SUCLG2: variants seen among roughly 807,000 people sequenced by gnomAD.
SUCLG2 encodes succinate-CoA ligase GDP-forming subunit beta, also known as succinate--CoA ligase [GDP-forming] subunit beta, mitochondrial.
A neutral mutation model predicts 47.9 loss-of-function variants in SUCLG2; 42 were observed. The observed-to-expected ratio is 0.88, with a 90% CI of 0.69 to 1.14. The LOEUF (loss-of-function observed/expected upper bound fraction) is 1.14. Among genes scored for constraint, SUCLG2 ranks in the 50% most tolerant of loss-of-function variants. The pLI is 0.00. For missense variants in SUCLG2, 571 were observed against 525.9 expected (o/e 1.09, Z -0.84); for synonymous variants, 195 against 197.3 (o/e 0.99, Z 0.10).
At chr3:67,450,030 TA>T (rs1374809832) in intron 9 of SUCLG2, among the ~76,000 whole-genome samples, 1 of 64,060 alleles carries the variant, frequency 1.6e-5, no homozygotes. Flanking sequence ...AAAAAAACAG[TA>T]TTTTTTTTAA....
At chr3:67,395,268 C>T (rs1043892469) in intron 10 of SUCLG2, among the ~76,000 whole-genome samples, 6 of 152,060 alleles carry the variant, frequency 3.9e-5, no homozygotes, top group African/African-American at 1.5e-4. Flanking sequence ...GTGCTGTATT[C>T]AGGAAACCCA....
chr3:67,414,890 C>T (rs755338390), intron 9 of SUCLG2, among the ~76,000 whole-genome samples: 9 of 152,174 alleles, frequency 5.9e-5, no homozygotes, highest in Non-Finnish European at 1.2e-4. Flanking sequence ...AATCTTGGCT[C>T]TGTTGCCCAG....
intron 10 of SUCLG2, among the ~76,000 whole-genome samples, chr3:67,377,127 T>C (rs888762573): frequency 6.6e-6 from 1 of 152,214 alleles, no homozygotes; most frequent in African/African-American, 2.4e-5. Context: ...TGAGTAGTCC[T>C]ATTGTTCCTA....
intron 1 of SUCLG2, among the ~76,000 whole-genome samples, chr3:67,626,728 C>G (rs935979598): frequency 6.6e-6 from 1 of 151,964 alleles, no homozygotes; most frequent in Admixed American, 6.6e-5. Flanking sequence ...TCCTGGCTAA[C>G]ACGGTGAAAC....
intron 9 of SUCLG2, among the ~76,000 whole-genome samples, chr3:67,492,574 C>G (rs1317351443): frequency 1.3e-5 from 2 of 152,040 alleles, no homozygotes; most frequent in African/African-American, 2.4e-5. Flanking sequence ...TTCTTTAAAT[C>G]AAAATGATGA....
intron 2 of SUCLG2, among the ~76,000 whole-genome samples, chr3:67,531,867 C>T (rs1706414152): frequency 6.6e-6 from 1 of 152,160 alleles, no homozygotes; most frequent in Non-Finnish European, 1.5e-5. Flanking sequence ...AACAGTAACT[C>T]GTCTCTTCAT....
chr3:67,400,793 T>C lies in SUCLG2; in HGVS notation c.1121A>G (p.Asn374Ser), dbSNP rs201519398. 475 of 1,612,422 alleles carry C rather than the reference T, an allele frequency of 2.9e-4. No homozygotes were observed. Among genetic ancestry groups the C allele is most frequent in the Non-Finnish European group, 3.4e-4 (403 of 1,179,936 alleles). The change falls in exon 10 of 11, where the codon AAT becomes AGT. Residue 374 changes from asparagine (N) to serine (S), a missense_variant. Asn to Ser is a conservative substitution (Grantham distance 46). Transcript: ENST00000307227. ...CTCCCGGCAGGCTTTGGTGATCCCA[T>C]TGGCAATGATGGCACAGTTGACGAT... ...GGIVNCAIIANGITKACRELE... is the reference protein window; with the variant it reads ...GGIVNCAIIASGITKACRELE...
At chr3:67,491,375 TTTTTTC>T (rs1250178312) in intron 9 of SUCLG2, among the ~76,000 whole-genome samples, 7 of 147,038 alleles carry the variant, frequency 4.8e-5, no homozygotes, top group African/African-American at 7.6e-5. Context: ...TTTTTTTTTT[TTTTTTC>T]CAGACGAAGT....
At chr3:67,360,485 G>T in exon 11 of SUCLG2, 1 of 767,802 alleles carries the variant, frequency 1.3e-6, no homozygotes, top group East Asian at 2.8e-5. Context: ...AATATTTTTG[G>T]TGAATGAACA....
intron 2 of SUCLG2, among the ~76,000 whole-genome samples, chr3:67,537,571 T>C (rs1047085760): frequency 3.3e-5 from 5 of 152,216 alleles, no homozygotes; most frequent in African/African-American, 1.2e-4. Flanking sequence ...TTATAATCCT[T>C]TGGGTATACG....
chr3:67,549,134 C>T (rs984838423), intron 2 of SUCLG2, among the ~76,000 whole-genome samples: 1 of 152,168 alleles, frequency 6.6e-6, no homozygotes, highest in Non-Finnish European at 1.5e-5. Flanking sequence ...AGTTTCCTTG[C>T]ACCACGCTTG....
chr3:67,484,774 C>T (rs1705009553), intron 9 of SUCLG2, among the ~76,000 whole-genome samples: 1 of 151,804 alleles, frequency 6.6e-6, no homozygotes. Flanking sequence ...ACAAATTATC[C>T]CCAAGGATAC....
chr3:67,406,678 T>A (rs1183102947), intron 9 of SUCLG2, among the ~76,000 whole-genome samples: 2 of 152,084 alleles, frequency 1.3e-5, no homozygotes, highest in African/African-American at 4.8e-5. Flanking sequence ...AGTAGAGTGA[T>A]GGAAACAAGA....
At chr3:67,631,006 T>C (rs1255920836) in intron 1 of SUCLG2, among the ~76,000 whole-genome samples, 1 of 152,210 alleles carries the variant, frequency 6.6e-6, no homozygotes, top group East Asian at 1.9e-4. Context: ...CAATGTCCTA[T>C]GAAGAAGACC....
intron 6 of SUCLG2, among the ~76,000 whole-genome samples, chr3:67,510,026 T>A (rs1405778885): frequency 6.6e-6 from 1 of 152,166 alleles, no homozygotes; most frequent in African/African-American, 2.4e-5. Context: ...CAGCACCTCC[T>A]CCTCTGGCTG....
At chr3:67,380,199 A>C (rs1342870682) in intron 10 of SUCLG2, among the ~76,000 whole-genome samples, 1 of 145,562 alleles carries the variant, frequency 6.9e-6, no homozygotes, top group African/African-American at 2.6e-5. Flanking sequence ...TCTCACAGTT[A>C]CCTAGGGGTT....
At chr3:67,601,752 T>G (rs967603082) in intron 2 of SUCLG2, among the ~76,000 whole-genome samples, 1 of 152,042 alleles carries the variant, frequency 6.6e-6, no homozygotes, top group Admixed American at 6.6e-5. Flanking sequence ...GAGGTCAAAG[T>G]GGGAAGATCA....
intron 9 of SUCLG2, among the ~76,000 whole-genome samples, chr3:67,467,368 C>T (rs1704500428): frequency 6.6e-6 from 1 of 152,170 alleles, no homozygotes; most frequent in South Asian, 2.1e-4. Flanking sequence ...AGGGTTTGGT[C>T]AAAGCACACG....
At chr3:67,535,036 T>G (rs988395096) in intron 2 of SUCLG2, among the ~76,000 whole-genome samples, 10 of 152,120 alleles carry the variant, frequency 6.6e-5, no homozygotes, top group Non-Finnish European at 1.0e-4. Flanking sequence ...AAAATACCTG[T>G]GTAACACTTG....
Sources: gnomAD v4.1 joint callset for allele counts (sites outside exome capture counted in the v4.1 genomes callset) on GRCh38, gnomAD v4.1.1 for gene constraint, MANE v1.5 for transcripts, NCBI Gene and HGNC (gene_info 2026-07-23, HGNC 2026-07-21) for gene names.